PIK3CA: variants seen among roughly 807,000 people sequenced by gnomAD.
PIK3CA encodes the protein phosphatidylinositol-4,5-bisphosphate 3-kinase catalytic subunit alpha, also known as phosphatidylinositol 4,5-bisphosphate 3-kinase catalytic subunit alpha isoform.
A neutral mutation model predicts 138.2 loss-of-function variants in PIK3CA; 27 were observed. The ratio of observed to expected loss-of-function variants is 0.20; its 90% CI spans 0.14 to 0.27. PIK3CA has a LOEUF of 0.27. Ranked by LOEUF, PIK3CA falls within the 10% of genes least tolerant of loss-of-function variation. PIK3CA has a pLI of 1.00. For missense variants in PIK3CA, 544 were observed against 1,277.4 expected (o/e 0.43, Z 8.75); for synonymous variants, 358 against 413.2 (o/e 0.87, Z 1.62).
intron 17 of PIK3CA, among the ~76,000 whole-genome samples, chr3:179,226,746 A>AGC (rs1176326992): frequency 6.6e-6 from 1 of 152,124 alleles, no homozygotes; most frequent in Non-Finnish European, 1.5e-5. Flanking sequence ...TTTTAAGAGT[A>AGC]GCTAGTATAC....
Position 179,239,148 on chromosome 3 carries a change from T to C in PIK3CA, c.*4784T>C, listed in dbSNP as rs1173956499. ...ATACAGTAGTTAGGTAAATGATTTT[T>C]CTACCAACAGTATACTCCATTCCTC... On this transcript the variant is annotated 3_prime_UTR_variant, in exon 21 of 21. Coordinates refer to ENST00000263967, the MANE Select transcript of PIK3CA (RefSeq NM_006218.4). 3 of 212,366 alleles carry C rather than the reference T, an allele frequency of 1.4e-5. No individual in the cohort carries two copies. Among genetic ancestry groups the C allele is most frequent in the Middle Eastern group, 2.9e-3 (2 of 692 alleles). 13.2% of individuals were successfully genotyped at this position (212,366 alleles called of 1,614,324 possible).
In PIK3CA at chr3:179,204,541, C is replaced by T. The variant is rs1442927984; in HGVS notation, c.1098C>T (p.Pro366=). 7 of 1,593,594 alleles carry T rather than the reference C, an allele frequency of 4.4e-6. No homozygotes were observed. The highest frequency in any genetic ancestry group is 6.0e-6 in the Non-Finnish European group (7 of 1,161,878). Residue 366 remains proline (P), a synonymous_variant, in exon 6 of 21, where the codon CCC becomes CCT. Coordinates refer to ENST00000263967, the MANE Select transcript of PIK3CA (RefSeq NM_006218.4). ...CAGGTATCTACCATGGAGGAGAACCCTTATGTGACAATGTGAACACTCAAA... is the reference window on the plus strand; with the variant it reads ...CAGGTATCTACCATGGAGGAGAACCTTTATGTGACAATGTGAACACTCAAA... The part of the protein sequence containing the change: ...VRTGIYHGGE[P]LCDNVNTQRV...
At chr3:179,155,615 T>G (rs1174955191) in intron 1 of PIK3CA, among the ~76,000 whole-genome samples, 1 of 152,156 alleles carries the variant, frequency 6.6e-6, no homozygotes, top group Non-Finnish European at 1.5e-5. Flanking sequence ...TTAAAAGTAA[T>G]CTAGAGATGA....
At chr3:179,222,360 T>C (rs971706044) in intron 14 of PIK3CA, among the ~76,000 whole-genome samples, 3 of 152,186 alleles carry the variant, frequency 2.0e-5, no homozygotes, top group Admixed American at 6.5e-5. Flanking sequence ...GTACTCTTTC[T>C]GATACTGGAA....
chr3:179,235,194 CTTAAG>C lies in PIK3CA; in HGVS notation c.*833_*837del, dbSNP rs1476072931. 1 of 185,100 alleles carries C rather than the reference CTTAAG, an allele frequency of 5.4e-6. No homozygotes were observed. The highest frequency in any genetic ancestry group is 1.1e-5 in the Non-Finnish European group (1 of 88,074). 11.5% of individuals were successfully genotyped at this position (185,100 alleles called of 1,614,324 possible). On this transcript the variant is annotated 3_prime_UTR_variant, in exon 21 of 21. Transcript: ENST00000263967. Reference sequence around the variant, plus strand: ...TATTCCAGAATTGTACAGTATTCACCTTAAGTTGATTTTTTTTCTCCTTCTGCAAT... The same window carrying C: ...TATTCCAGAATTGTACAGTATTCACCTTGATTTTTTTTCTCCTTCTGCAAT...
chr3:179,232,650 G>T (rs898280336), intron 20 of PIK3CA, among the ~76,000 whole-genome samples: 10 of 151,872 alleles, frequency 6.6e-5, no homozygotes, highest in African/African-American at 2.2e-4. Flanking sequence ...AAAAATGATG[G>T]TGACAGTGTT....
At chr3:179,163,651 T>C (rs76984943) in intron 1 of PIK3CA, among the ~76,000 whole-genome samples, 5,913 of 152,220 alleles carry the variant, frequency 0.039, 171 homozygotes, top group Middle Eastern at 0.071. Context: ...AAAAGCACCA[T>C]GACCCATATG....
chr3:179,172,853 A>G (rs1283965515), intron 1 of PIK3CA, among the ~76,000 whole-genome samples: 1 of 152,170 alleles, frequency 6.6e-6, no homozygotes, highest in African/African-American at 2.4e-5. Context: ...AAGTGCAAAA[A>G]ACATAACCAC....
chr3:179,210,754 T>C (rs751270091), intron 9 of PIK3CA, among the ~76,000 whole-genome samples, 189 bp downstream of exon 9: 1 of 152,258 alleles, frequency 6.6e-6, no homozygotes, highest in Non-Finnish European at 1.5e-5. Context: ...TTTAAAGCCC[T>C]AGCTTGCCTT....
chr3:179,227,769 G>A (rs80016540), intron 17 of PIK3CA, among the ~76,000 whole-genome samples: 7,754 of 152,142 alleles, frequency 0.051, 213 homozygotes, highest in Non-Finnish European at 0.057. Flanking sequence ...GGATACTTAC[G>A]TGTCAATCTG....
intron 1 of PIK3CA, among the ~76,000 whole-genome samples, chr3:179,174,953 T>C (rs2108365493): frequency 6.6e-6 from 1 of 152,358 alleles, no homozygotes; most frequent in East Asian, 1.9e-4. Context: ...ATAATTAGTT[T>C]GGTTATTTTC....
intron 14 of PIK3CA, 118 bp downstream of exon 14, chr3:179,221,275 C>G: frequency 1.5e-6 from 1 of 662,434 alleles, no homozygotes; most frequent in Admixed American, 2.6e-5. Flanking sequence ...GGATTTGGAA[C>G]CAAGTTCCAC....
rs1461675237 is a variant in PIK3CA at position 179,224,761 on chromosome 3, C to G, written c.2356C>G (p.Pro786Ala). The G allele has an allele frequency of 6.2e-7, 1 of 1,603,656 alleles. No homozygotes were observed. The highest frequency in any genetic ancestry group is 8.5e-7 in the Non-Finnish European group (1 of 1,171,342). Residue 786 changes from proline (P) to alanine (A), a missense_variant, in exon 16 of 21, where the codon CCA becomes GCA. By Grantham distance (27) the Pro-to-Ala change is conservative. This residue lies in a region of PIK3CA where 72 missense variants were observed against 271.8 expected (regional missense o/e 0.26). Transcript: ENST00000263967. ...KRPLWLNWEN[P>A]DIMSELLFQN... ...GCCACTGTGGTTGAATTGGGAGAAC[C>G]CAGACATCATGTCAGAGTTACTGTT...
rs2108407909 is a variant in PIK3CA, at chr3:179,218,211, G to A, written c.1541G>A (p.Ser514Asn). Reference sequence around the variant, plus strand: ...ATAAGATATTATTTTATTTTACAGAGTAACAGACTAGCTAGAGACAATGAA... The same window carrying A: ...ATAAGATATTATTTTATTTTACAGAATAACAGACTAGCTAGAGACAATGAA... ...AGFSYSHAGL[S>N]NRLARDNELR... Residue 514 changes from serine to asparagine, a missense_variant and splice_region_variant, in exon 10 of 21, where the codon AGT (serine) becomes AAT (asparagine). By Grantham distance (46) the Ser-to-Asn change is conservative. This residue lies in a region of PIK3CA where 52 missense variants were observed against 83.4 expected (regional missense o/e 0.62). Coordinates refer to ENST00000263967, the MANE Select transcript of PIK3CA (RefSeq NM_006218.4). 6.3e-7 allele frequency: 1 copy of A among 1,590,384 alleles called. No homozygotes were observed. Among genetic ancestry groups the A allele is most frequent in the Non-Finnish European group, 8.6e-7 (1 of 1,166,522 alleles).
chr3:179,239,495 A>G lies in PIK3CA; in HGVS notation c.*5131A>G, dbSNP rs1725397949. ...AAAAGTCCCTTGTTCAATTTAACTT[A>G]TGTTCCTAAGAGAGGTTGGAGAACT... On this transcript the variant is annotated 3_prime_UTR_variant, in exon 21 of 21. Transcript: ENST00000263967. 4.8e-6 allele frequency: 1 copy of G among 209,650 alleles called. No individual in the cohort carries two copies. Among genetic ancestry groups the G allele is most frequent in the Admixed American group, 5.9e-5 (1 of 16,978 alleles). The allele number at this position is 209,650 out of a possible 1,614,324, so 13.0% of individuals were successfully genotyped here.
chr3:179,216,385 C>T (rs1270302197), intron 9 of PIK3CA, among the ~76,000 whole-genome samples: 2 of 151,556 alleles, frequency 1.3e-5, no homozygotes, highest in Non-Finnish European at 1.5e-5. Flanking sequence ...ATTATATGCA[C>T]CAAAATTTTT....
intron 1 of PIK3CA, among the ~76,000 whole-genome samples, chr3:179,186,238 TTTAA>T (rs1723979131): frequency 6.6e-6 from 1 of 152,228 alleles, no homozygotes; most frequent in African/African-American, 2.4e-5. Context: ...ATGTTCTTAA[TTTAA>T]TTAAGATGTT....
chr3:179,180,853 TGAA>T lies in PIK3CA; in HGVS notation c.-76-17894_-76-17892del, dbSNP rs1357874889. Among the ~76,000 whole-genome samples, 12 of 152,260 alleles carry T rather than the reference TGAA, an allele frequency of 7.9e-5. No individual in the cohort carries two copies. The South Asian group carries it at 2.5e-3, about 32-fold the overall frequency. On this transcript the variant is annotated intron_variant, in intron 1 of 20. Transcript: ENST00000263967. ...CTTTACCTTTGTAACTTTTAATTAATGAAGATGTTTTAAGATGAAATATAAAAT... is the reference window on the plus strand; with the variant it reads ...CTTTACCTTTGTAACTTTTAATTAATGATGTTTTAAGATGAAATATAAAAT...
chr3:179,225,902 C>T (rs750379382), intron 16 of PIK3CA, 60 bp from the exon 17 acceptor site: 7 of 813,534 alleles, frequency 8.6e-6, no homozygotes, highest in East Asian at 2.5e-5. Context: ...CATGTGATGG[C>T]GTGATCCCCA....
Sources: allele counts gnomAD v4.1 joint callset (sites outside exome capture counted in the v4.1 genomes callset), GRCh38; gene constraint gnomAD v4.1.1; regional missense constraint gnomAD v4.1.1; transcripts MANE v1.5; gene names NCBI Gene and HGNC (gene_info 2026-07-23, HGNC 2026-07-21).